CDKAL1: variants seen among roughly 807,000 people sequenced by gnomAD.
The protein encoded by CDKAL1 is CDKAL1 threonylcarbamoyladenosine tRNA methylthiotransferase.
In CDKAL1, 32 loss-of-function variants were observed where a neutral mutation model predicts 68.2. The observed-to-expected ratio is 0.47, with a 90% CI of 0.35 to 0.63. CDKAL1 has a LOEUF of 0.63. Among genes scored for constraint, CDKAL1 ranks in the 30% least tolerant of loss-of-function variants. The pLI is 0.00. For missense variants in CDKAL1, 606 were observed against 696.7 expected, an observed-to-expected ratio of 0.87 and a Z score of 1.47; for synonymous variants, 234 against 244.3, an observed-to-expected ratio of 0.96 and a Z score of 0.39.
intron 4 of CDKAL1, among the ~76,000 whole-genome samples, chr6:20,582,267 C>G (rs1172694248): frequency 6.6e-6 from 1 of 151,980 alleles, no homozygotes; most frequent in Non-Finnish European, 1.5e-5. Context: ...TTTCAGGTGG[C>G]AAACACAGAT....
intron 15 of CDKAL1, among the ~76,000 whole-genome samples, chr6:21,203,063 GT>G (rs1778752173): frequency 6.6e-6 from 1 of 151,856 alleles, no homozygotes. Context: ...TTGTTTGTTT[GT>G]TTTGAGAGAG....
intron 9 of CDKAL1, among the ~76,000 whole-genome samples, chr6:20,943,335 AAAAAAAAAAG>A (rs1414515932): frequency 4.6e-5 from 4 of 87,240 alleles, no homozygotes; most frequent in African/African-American, 1.7e-4. Flanking sequence ...TTTCAAAAAA[AAAAAAAAAAG>A]AAAAAGAAAA....
Position 21,057,912 on chromosome 6 carries a change from A to G in CDKAL1, c.1056-7136A>G, listed in dbSNP as rs537336635. Among the ~76,000 whole-genome samples the G allele has an allele frequency of 1.1e-4, 16 of 152,298 alleles. No homozygotes were observed. The East Asian group carries it at 2.9e-3, about 28-fold the overall frequency. ...TGATTTCTGTTCTTTTGCATTTGCT[A>G]AGGAATGTTTTACTTCCAATTATGT... is the stretch of plus-strand genomic sequence containing the variant. On this transcript the variant is annotated intron_variant, in intron 11 of 15. Transcript: ENST00000274695.
At chr6:20,827,330 A>C (rs760287224) in intron 8 of CDKAL1, among the ~76,000 whole-genome samples, 1 of 152,192 alleles carries the variant, frequency 6.6e-6, no homozygotes, top group Non-Finnish European at 1.5e-5. Flanking sequence ...AAATATATGT[A>C]AAGTGCTTGT....
At chr6:20,964,281 C>T (rs1765193730) in intron 10 of CDKAL1, among the ~76,000 whole-genome samples, 1 of 152,174 alleles carries the variant, frequency 6.6e-6, no homozygotes. Flanking sequence ...GACAGAAATA[C>T]CATTTGTCCT....
intron 9 of CDKAL1, among the ~76,000 whole-genome samples, chr6:20,892,324 A>G (rs114909397): frequency 0.026 from 3,888 of 152,338 alleles, 132 homozygotes; most frequent in African/African-American, 0.082. Context: ...TGGACTGTAT[A>G]TGGATCCTTA....
chr6:21,066,211 C>G (rs889526458), intron 12 of CDKAL1, among the ~76,000 whole-genome samples: 1 of 151,856 alleles, frequency 6.6e-6, no homozygotes, highest in Non-Finnish European at 1.5e-5. Context: ...TTTCCAAAAT[C>G]AAAAGTGAAT....
At chr6:20,927,385 GCAAA>G (rs1488094501) in intron 9 of CDKAL1, among the ~76,000 whole-genome samples, 1 of 152,146 alleles carries the variant, frequency 6.6e-6, no homozygotes, top group African/African-American at 2.4e-5. Flanking sequence ...AGCAATGGCT[GCAAA>G]CAGTCTTCAT....
At chr6:21,126,209 C>T (rs1486608942) in intron 13 of CDKAL1, among the ~76,000 whole-genome samples, 1 of 152,158 alleles carries the variant, frequency 6.6e-6, no homozygotes, top group Non-Finnish European at 1.5e-5. Flanking sequence ...AATTATGTTA[C>T]ATTTAAGTGA....
At chr6:21,129,395 T>A (rs983372168) in intron 13 of CDKAL1, among the ~76,000 whole-genome samples, 4 of 152,116 alleles carry the variant, frequency 2.6e-5, no homozygotes, top group Non-Finnish European at 4.4e-5. Context: ...ATTAAAATTT[T>A]CTGTTGTTTT....
At chr6:20,892,760 A>G (rs1761474504) in intron 9 of CDKAL1, among the ~76,000 whole-genome samples, 1 of 152,202 alleles carries the variant, frequency 6.6e-6, no homozygotes, top group South Asian at 2.1e-4. Flanking sequence ...TTGGCCTGGA[A>G]AGATTTTGTT....
chr6:21,214,894 AAT>A (rs1264562448), intron 15 of CDKAL1, among the ~76,000 whole-genome samples: 1 of 152,076 alleles, frequency 6.6e-6, no homozygotes, highest in East Asian at 1.9e-4. Context: ...TGAATGAATG[AAT>A]GAATGAATGA....
chr6:20,721,432 G>A (rs1327594794), intron 5 of CDKAL1, among the ~76,000 whole-genome samples: 8 of 152,114 alleles, frequency 5.3e-5, no homozygotes, highest in Admixed American at 2.0e-4. Flanking sequence ...ATAGTATTCC[G>A]TTAGGTATAT....
chr6:20,600,773 T>TATATAG (rs1766055068), intron 4 of CDKAL1, among the ~76,000 whole-genome samples: 1 of 143,426 alleles, frequency 7.0e-6, no homozygotes, highest in Admixed American at 6.9e-5. Flanking sequence ...TATGTATACA[T>TATATAG]ATATATATAT....
intron 4 of CDKAL1, among the ~76,000 whole-genome samples, chr6:20,564,935 C>T (rs1423664517): frequency 6.6e-6 from 1 of 152,100 alleles, no homozygotes; most frequent in East Asian, 1.9e-4. Context: ...AAGAGCTTCT[C>T]TGGGTGAGAA....
At chr6:20,569,535 C>A (rs554905294) in intron 4 of CDKAL1, among the ~76,000 whole-genome samples, 1 of 152,276 alleles carries the variant, frequency 6.6e-6, no homozygotes, top group South Asian at 2.1e-4. Context: ...CTATGGACCA[C>A]CTGATAAGTC....
At chr6:20,758,740 G>T in intron 7 of CDKAL1, 97 bp downstream of exon 7, 1 of 884,196 alleles carries the variant, frequency 1.1e-6, no homozygotes, top group Non-Finnish European at 1.7e-6. Context: ...CTTTATAAAA[G>T]TTATTGTTTT....
intron 5 of CDKAL1, among the ~76,000 whole-genome samples, chr6:20,710,029 A>G (rs1009067210): frequency 6.6e-6 from 1 of 152,182 alleles, no homozygotes; most frequent in East Asian, 1.9e-4. Context: ...AGAAAATCCC[A>G]TATGAATTAA....
intron 15 of CDKAL1, among the ~76,000 whole-genome samples, chr6:21,207,992 C>G (rs1399095487): frequency 6.6e-6 from 1 of 151,524 alleles, no homozygotes; most frequent in Non-Finnish European, 1.5e-5. Context: ...TACGGACAGA[C>G]ATTTCTTCCT....
Sources: allele counts gnomAD v4.1 joint callset (sites outside exome capture counted in the v4.1 genomes callset), GRCh38; gene constraint gnomAD v4.1.1; transcripts MANE v1.5; gene names NCBI Gene and HGNC (gene_info 2026-07-23, HGNC 2026-07-21).